Variants in ASTN1 observed in about 807,000 individuals in gnomAD.
The protein encoded by ASTN1 is astrotactin-1.
ASTN1 carries 41 observed loss-of-function variants against 140.7 expected under a neutral mutation model. That is an observed-to-expected ratio of 0.29 (90% CI 0.23 to 0.38). ASTN1 has a LOEUF of 0.38. Ranked by LOEUF, ASTN1 falls within the 10% of genes least tolerant of loss-of-function variation. The pLI is 1.00. For synonymous variants in ASTN1, 640 were observed against 652.2 expected (o/e 0.98, Z 0.29); for missense variants, 1,479 against 1,678.8 (o/e 0.88, Z 2.08).
chr1:176,859,358 G>GATGT (rs573413000), downstream of ASTN1, among the ~76,000 whole-genome samples: 56 of 152,124 alleles, frequency 3.7e-4, no homozygotes, highest in Non-Finnish European at 7.5e-4. Context: ...GGACATTGTG[G>GATGT]ATGTAGCCCA....
At chr1:177,001,680 C>A (rs576095290) in intron 8 of ASTN1, among the ~76,000 whole-genome samples, 3 of 152,248 alleles carry the variant, frequency 2.0e-5, no homozygotes, top group East Asian at 1.9e-4. Context: ...TGAACGTTAA[C>A]CCTCTTAGAA....
intron 1 of ASTN1, among the ~76,000 whole-genome samples, chr1:177,092,779 T>G: frequency 6.6e-6 from 1 of 152,232 alleles, no homozygotes; most frequent in East Asian, 1.9e-4. Context: ...CCTCATTGAA[T>G]TGTCTTGGCA....
intron 8 of ASTN1, among the ~76,000 whole-genome samples, chr1:176,975,012 C>A (rs967130146): frequency 1.3e-5 from 2 of 152,196 alleles, no homozygotes; most frequent in African/African-American, 4.8e-5. Context: ...GCTAGCTGCT[C>A]CTTTGATTTA....
At chr1:176,993,934 A>G (rs886467932) in intron 8 of ASTN1, among the ~76,000 whole-genome samples, 6 of 152,150 alleles carry the variant, frequency 3.9e-5, no homozygotes, top group Non-Finnish European at 7.3e-5. Context: ...ATTTTTCATT[A>G]TAGTTCCGAT....
At position 177,023,683 on chromosome 1, in the gene ASTN1, A is replaced by G. The variant is rs1675948093; in HGVS notation, c.1271-112T>C. 1.2e-5 allele frequency: 14 copies of G among 1,180,390 alleles called. No individual in the cohort carries two copies. In the Admixed American group the frequency reaches 1.4e-4, roughly 12 times the overall value. 73.1% of individuals were successfully genotyped at this position (1,180,390 alleles called of 1,614,324 possible). A position where few individuals can be genotyped will look rare whatever the true frequency, so the allele number is the denominator to read the frequency against. On this transcript the variant is annotated intron_variant, in intron 6 of 22. Transcript: ENST00000361833. ...AGAATTAGTACCAATCAGAGATCCT[A>G]ACTCTCACCATTCCTAGCCCATCAT...
At position 176,972,111 on chromosome 1, in the gene ASTN1, A is replaced by G. The variant is rs77884042; in HGVS notation, c.1524-6874T>C. Among the ~76,000 whole-genome samples the G allele has an allele frequency of 8.3e-3, 1,270 of 152,342 alleles. 13 individuals are homozygous for G. The highest frequency in any genetic ancestry group is 0.028 in the African/African-American group (1,182 of 41,566). On this transcript the variant is annotated intron_variant, in intron 8 of 22. Coordinates refer to ENST00000361833, the MANE Select transcript of ASTN1 (RefSeq NM_004319.3). ...CTATAGGTAATTATAATACAATGGTAAATATTTATCATCTAAACATAGAAA... is the reference window on the plus strand; with the variant it reads ...CTATAGGTAATTATAATACAATGGTGAATATTTATCATCTAAACATAGAAA...
At chr1:177,006,146 T>C (rs1458093692) in intron 8 of ASTN1, among the ~76,000 whole-genome samples, 1 of 152,180 alleles carries the variant, frequency 6.6e-6, no homozygotes, top group Non-Finnish European at 1.5e-5. Flanking sequence ...AGGTTTTAAC[T>C]TTGGCATTAA....
At position 177,001,120 on chromosome 1, in the gene ASTN1, G is replaced by C. The variant is rs138396532; in HGVS notation, c.1523+13671C>G. Reference sequence around the variant, plus strand: ...AAGGTGGTAGCTACTATTATTCTTAGGTATTGCTTATGAAAGACCATGGGA... The same window carrying C: ...AAGGTGGTAGCTACTATTATTCTTACGTATTGCTTATGAAAGACCATGGGA... On this transcript the variant is annotated intron_variant, in intron 8 of 22. Transcript: ENST00000361833. 3.9e-5 allele frequency among the ~76,000 whole-genome samples: 6 copies of C among 152,266 alleles called. No individual in the cohort carries two copies. The East Asian group carries it at 5.8e-4, about 15-fold the overall frequency.
chr1:177,135,079 A>G, intron 1 of ASTN1, among the ~76,000 whole-genome samples: 1 of 152,110 alleles, frequency 6.6e-6, no homozygotes, highest in Non-Finnish European at 1.5e-5. Flanking sequence ...GTTTTTCTAC[A>G]TGCAGAGGGG....
chr1:177,107,570 C>T (rs946690418), intron 1 of ASTN1, among the ~76,000 whole-genome samples: 2 of 152,132 alleles, frequency 1.3e-5, no homozygotes, highest in African/African-American at 4.8e-5. Context: ...CCCAGGAGAG[C>T]AGAGGGATGA....
rs1668051035 is a variant in ASTN1, at chr1:176,864,080, C to T, written c.*204G>A. The T allele has an allele frequency of 7.1e-7, 1 of 1,400,966 alleles. No homozygotes were observed. Among genetic ancestry groups the T allele is most frequent in the Non-Finnish European group, 9.3e-7 (1 of 1,079,632 alleles). 86.8% of individuals were successfully genotyped at this position (1,400,966 alleles called of 1,614,324 possible). On this transcript the variant is annotated 3_prime_UTR_variant, in exon 23 of 23. Transcript: ENST00000361833. The stretch of plus-strand genomic sequence containing the variant: ...ATATGGCACTGCATGAAGCCACTGG[C>T]TGGCAGATTTCCCAATCATGCAGAT...
At chr1:176,942,851 TA>T (rs1671792600) in intron 14 of ASTN1, among the ~76,000 whole-genome samples, 3 of 89,728 alleles carry the variant, frequency 3.3e-5, no homozygotes, top group Admixed American at 1.3e-4. Context: ...TATATATATA[TA>T]TATATATATA....
intron 8 of ASTN1, among the ~76,000 whole-genome samples, chr1:176,983,862 T>C (rs1426377371): frequency 6.6e-6 from 1 of 152,242 alleles, no homozygotes; most frequent in Non-Finnish European, 1.5e-5. Flanking sequence ...CTCAGGCCTC[T>C]GCACTAACAA....
intron 1 of ASTN1, among the ~76,000 whole-genome samples, chr1:177,149,235 T>C (rs1333052893): frequency 9.8e-6 from 1 of 101,972 alleles, no homozygotes; most frequent in African/African-American, 4.4e-5. Context: ...ATATAGTAAA[T>C]ATATATATAC....
In ASTN1 at chr1:177,098,917, GATC is replaced by G. The variant is rs750335230; in HGVS notation, c.284-37655_284-37653del. Among the ~76,000 whole-genome samples, 175 of 152,148 alleles carry G rather than the reference GATC, an allele frequency of 1.2e-3. 1 individual carries two copies. The highest frequency in any genetic ancestry group is 8.8e-4 in the Non-Finnish European group (60 of 68,030). ...TTCTAAGAGGTCAGGAAGGAACACA[GATC>G]ATCTTCTATTAATGTGAAATGAGCC... On this transcript the variant is annotated intron_variant, in intron 1 of 22. Transcript: ENST00000361833.
At chr1:176,896,839 G>T (rs1354614739) in intron 16 of ASTN1, among the ~76,000 whole-genome samples, 1 of 152,190 alleles carries the variant, frequency 6.6e-6, no homozygotes, top group Non-Finnish European at 1.5e-5. Context: ...GAGTCTGAGA[G>T]GAACAGAATG....
At chr1:176,896,706 T>C (rs1669521081) in intron 16 of ASTN1, among the ~76,000 whole-genome samples, 1 of 152,138 alleles carries the variant, frequency 6.6e-6, no homozygotes. Flanking sequence ...CTGCACCCCA[T>C]AAGAGAGAAC....
intron 8 of ASTN1, among the ~76,000 whole-genome samples, chr1:176,999,528 G>C (rs1674617894): frequency 6.6e-6 from 1 of 151,164 alleles, no homozygotes; most frequent in Non-Finnish European, 1.5e-5. Context: ...GCATAGCCAA[G>C]AAGTTTTGAG....
intron 1 of ASTN1, among the ~76,000 whole-genome samples, chr1:177,116,339 T>A (rs570270553): frequency 6.6e-6 from 1 of 152,328 alleles, no homozygotes; most frequent in South Asian, 2.1e-4. Flanking sequence ...TGTGCACAGA[T>A]GTATTATTTT....
Sources: allele counts gnomAD v4.1 joint callset (sites outside exome capture counted in the v4.1 genomes callset), GRCh38; gene constraint gnomAD v4.1.1; transcripts MANE v1.5; gene names NCBI Gene and HGNC (gene_info 2026-07-23, HGNC 2026-07-21).